FAM174B: variants seen among roughly 807,000 people sequenced by gnomAD.
The protein encoded by FAM174B is family with sequence similarity 174 member B, also known as membrane protein FAM174B.
FAM174B carries 12 observed loss-of-function variants against 10.9 expected under a neutral mutation model. That is an observed-to-expected ratio of 1.10 (90% CI 0.71 to 1.79). The LOEUF (loss-of-function observed/expected upper bound fraction) is 1.79. Ranked by LOEUF, FAM174B falls within the 40% of genes most tolerant of loss-of-function variation. FAM174B has a pLI of 0.00. For synonymous variants in FAM174B, 132 were observed against 115.8 expected, an observed-to-expected ratio of 1.14 and a Z score of -0.90; for missense variants, 266 against 233.3, an observed-to-expected ratio of 1.14 and a Z score of -0.91.
chr15:92,642,933 C>A (rs1203339071), intron 1 of FAM174B, among the ~76,000 whole-genome samples: 2 of 152,076 alleles, frequency 1.3e-5, no homozygotes, highest in Non-Finnish European at 2.9e-5. Flanking sequence ...CACAAAAGAC[C>A]ACACATTGTA....
chr15:92,635,097 CCT>C (rs548982533), intron 1 of FAM174B, among the ~76,000 whole-genome samples: 10 of 92,816 alleles, frequency 1.1e-4, no homozygotes, highest in Non-Finnish European at 2.1e-4. Context: ...TTACGATAAG[CCT>C]CTCTCTCTCT....
chr15:92,632,760 G>A (rs886887200), intron 1 of FAM174B, among the ~76,000 whole-genome samples: 1 of 151,606 alleles, frequency 6.6e-6, no homozygotes, highest in Non-Finnish European at 1.5e-5. Context: ...GAACTCAAGC[G>A]ATCCTCCCGC....
intron 1 of FAM174B, among the ~76,000 whole-genome samples, chr15:92,632,691 T>C (rs561438276): frequency 6.6e-6 from 1 of 152,066 alleles, no homozygotes; most frequent in East Asian, 1.9e-4. Context: ...GTTTTTTTTT[T>C]TTCTATCTGT....
intron 2 of FAM174B, among the ~76,000 whole-genome samples, chr15:92,620,768 T>C (rs1453872265): frequency 3.2e-5 from 4 of 126,428 alleles, no homozygotes; most frequent in Non-Finnish European, 6.2e-5. Context: ...TGAGCTGAGA[T>C]GGCGCCACTG....
rs1407119739 is a variant in FAM174B at position 92,622,936 on chromosome 15, A to G, written c.477-3477T>C. 3.9e-5 allele frequency among the ~76,000 whole-genome samples: 6 copies of G among 152,080 alleles called. No homozygotes were observed. In the East Asian group the frequency reaches 1.2e-3, roughly 29 times the overall value. On this transcript the variant is annotated intron_variant, in intron 2 of 2. Coordinates refer to ENST00000327355, the MANE Select transcript of FAM174B (RefSeq NM_207446.3). ...TTCGGGAGGCCAAGATGGGCAGATC[A>G]CTTGAGGTCAGGAGTTCGAGACCAG...
intron 1 of FAM174B, among the ~76,000 whole-genome samples, chr15:92,639,619 G>A (rs1380523169): frequency 1.3e-5 from 2 of 152,162 alleles, no homozygotes; most frequent in South Asian, 2.1e-4. Flanking sequence ...CTGGAGGTGG[G>A]GCCTGGTGGA....
chr15:92,619,676 A>AT, intron 2 of FAM174B: 1 of 600,600 alleles, frequency 1.7e-6, no homozygotes, highest in Non-Finnish European at 3.0e-6. Flanking sequence ...TCCCTCCCCC[A>AT]GCTCCCCACA....
At chr15:92,631,482 T>TTGTA (rs1555421195) in intron 1 of FAM174B, among the ~76,000 whole-genome samples, 3,763 of 56,108 alleles carry the variant, frequency 0.067, 515 homozygotes, top group African/African-American at 0.077. Context: ...TTATAATATA[T>TTGTA]TATATATATA....
In FAM174B at chr15:92,618,733, CGCACACACGT is replaced by C. The variant is rs1250646618; in HGVS notation, c.*713_*722del. The stretch of plus-strand genomic sequence containing the variant: ...TTTATAGGTATCACACACGTGCACA[CGCACACACGT>C]GCACACACACACACACACACACGCA... On this transcript the variant is annotated 3_prime_UTR_variant, in exon 3 of 3. Transcript: ENST00000327355. 28 of 131,814 alleles carry C rather than the reference CGCACACACGT, an allele frequency of 2.1e-4. No homozygotes were observed. In the South Asian group the frequency reaches 4.1e-3, roughly 19 times the overall value. 8.2% of individuals were successfully genotyped at this position (131,814 alleles called of 1,614,324 possible).
chr15:92,626,658 T>C (rs2050755059), intron 2 of FAM174B, among the ~76,000 whole-genome samples: 2 of 152,034 alleles, frequency 1.3e-5, no homozygotes, highest in African/African-American at 2.4e-5. Context: ...GGGAAACTTA[T>C]ACAGAGGGAT....
At chr15:92,641,003 C>A (rs573024850) in intron 1 of FAM174B, among the ~76,000 whole-genome samples, 1 of 151,618 alleles carries the variant, frequency 6.6e-6, no homozygotes, top group Non-Finnish European at 1.5e-5. Context: ...TCCCTAAAAA[C>A]CAATAAAAAA....
intron 2 of FAM174B, among the ~76,000 whole-genome samples, chr15:92,628,462 G>A (rs2050768694): frequency 6.7e-6 from 1 of 149,874 alleles, no homozygotes; most frequent in Non-Finnish European, 1.5e-5. Flanking sequence ...CTACACGCAT[G>A]AGCCACCATG....
Position 92,618,828 on chromosome 15 carries a change from CT to C in FAM174B, c.*627del, listed in dbSNP as rs1301267515. 6.2e-3 allele frequency: 862 copies of C among 139,898 alleles called. No homozygotes were observed. Among genetic ancestry groups the C allele is most frequent in the East Asian group, 0.032 (157 of 4,838 alleles). 8.7% of individuals were successfully genotyped at this position (139,898 alleles called of 1,614,324 possible). A position where few individuals can be genotyped will look rare whatever the true frequency, so the allele number is the denominator to read the frequency against. On this transcript the variant is annotated 3_prime_UTR_variant, in exon 3 of 3. Coordinates refer to ENST00000327355, the MANE Select transcript of FAM174B (RefSeq NM_207446.3). ...CTAGCCACGCTGATTTCTGCTGAAC[CT>C]TTTTTTTTTTTAAAAAAAAAAAAAA...
At chr15:92,644,617 C>A (rs1398879429) in intron 1 of FAM174B, among the ~76,000 whole-genome samples, 3 of 152,156 alleles carry the variant, frequency 2.0e-5, no homozygotes, top group Non-Finnish European at 4.4e-5. Flanking sequence ...GCACCCAGCA[C>A]CCAGTCACCA....
Position 92,652,230 on chromosome 15 carries a change from T to C in FAM174B, c.344+3086A>G, listed in dbSNP as rs949213174. On this transcript the variant is annotated intron_variant, in intron 1 of 2. Transcript: ENST00000327355. Reference sequence around the variant, plus strand: ...GAAGAAGTTCGGTGGCACTTGACTCTGAAGAGGGAATTCAAAAATCGAGTG... The same window carrying C: ...GAAGAAGTTCGGTGGCACTTGACTCCGAAGAGGGAATTCAAAAATCGAGTG... Among the ~76,000 whole-genome samples, 5 of 152,278 alleles carry C rather than the reference T, an allele frequency of 3.3e-5. No individual in the cohort carries two copies. The South Asian group carries it at 6.2e-4, about 19-fold the overall frequency.
intron 2 of FAM174B, among the ~76,000 whole-genome samples, chr15:92,626,884 C>T (rs1347063588): frequency 6.6e-6 from 1 of 151,926 alleles, no homozygotes; most frequent in African/African-American, 2.4e-5. Flanking sequence ...AACCCCGTCA[C>T]CACTAAAAAT....
intron 1 of FAM174B, among the ~76,000 whole-genome samples, chr15:92,643,011 AGAGATT>A (rs1414948012): frequency 6.6e-6 from 1 of 152,252 alleles, no homozygotes; most frequent in Non-Finnish European, 1.5e-5. Context: ...AGAGACACAT[AGAGATT>A]AACTACTATG....
chr15:92,628,876 A>C (rs1205706055), intron 2 of FAM174B, among the ~76,000 whole-genome samples: 4 of 152,262 alleles, frequency 2.6e-5, no homozygotes, highest in African/African-American at 4.8e-5. Context: ...AAATGTATAA[A>C]ACATTTATAC....
chr15:92,641,884 A>T (rs1350014389), intron 1 of FAM174B, among the ~76,000 whole-genome samples: 1 of 152,246 alleles, frequency 6.6e-6, no homozygotes, highest in Non-Finnish European at 1.5e-5. Context: ...ACACCCCCAT[A>T]GAATGGGAGG....
Sources: allele counts gnomAD v4.1 joint callset (sites outside exome capture counted in the v4.1 genomes callset), GRCh38; gene constraint gnomAD v4.1.1; transcripts MANE v1.5; gene names NCBI Gene and HGNC (gene_info 2026-07-23, HGNC 2026-07-21).